The following CERKL variants were observed in gnomAD, a reference collection of about 807,000 sequenced individuals.
CERKL encodes the protein ceramide kinase-like protein.
CERKL carries 61 observed loss-of-function variants against 63.4 expected under a neutral mutation model. The ratio of observed to expected loss-of-function variants is 0.96; its 90% CI spans 0.78 to 1.19. The LOEUF (loss-of-function observed/expected upper bound fraction) is 1.19, where lower values mean the gene tolerates loss of function less well. Ranked by LOEUF, CERKL falls within the 50% of genes most tolerant of loss-of-function variation. CERKL has a pLI of 0.00. For missense variants in CERKL, 675 were observed against 655.5 expected, an observed-to-expected ratio of 1.03 and a Z score of -0.33; for synonymous variants, 250 against 230.5, an observed-to-expected ratio of 1.08 and a Z score of -0.77.
intron 1 of CERKL, among the ~76,000 whole-genome samples, chr2:181,608,031 T>C (rs763749433): frequency 2.1e-4 from 32 of 152,192 alleles, no homozygotes; most frequent in Non-Finnish European, 3.7e-4. Context: ...CTTCTTATGT[T>C]TGCCCAGTCT....
At chr2:181,585,316 AT>A (rs1684714234) in intron 2 of CERKL, among the ~76,000 whole-genome samples, 1 of 152,142 alleles carries the variant, frequency 6.6e-6, no homozygotes, top group South Asian at 2.1e-4. Flanking sequence ...TAAATAACTA[AT>A]ATTCTTTTAA....
In CERKL at chr2:181,656,885, GCCT is replaced by G. The variant is rs1298625806; in HGVS notation, c.119_121del (p.Glu40del). ...CCGGAGCAGAATCCGCTCGGCCGCC[GCCT>G]CCGTCTGCTGCGGGGACGTTAACAG... On this transcript the variant is annotated inframe_deletion, in exon 1 of 13. Transcript: ENST00000410087. 4 of 1,604,884 alleles carry G rather than the reference GCCT, an allele frequency of 2.5e-6. No homozygotes were observed. Among genetic ancestry groups the G allele is most frequent in the Non-Finnish European group, 2.6e-6 (3 of 1,174,910 alleles).
chr2:181,615,988 CAG>C (rs1334111049), intron 1 of CERKL, among the ~76,000 whole-genome samples: 4 of 151,906 alleles, frequency 2.6e-5, no homozygotes, highest in Admixed American at 2.6e-4. Flanking sequence ...AACTTATTTT[CAG>C]AGAGAAAGAC....
intron 2 of CERKL, among the ~76,000 whole-genome samples, chr2:181,582,509 T>C (rs932571081): frequency 4.8e-5 from 7 of 145,370 alleles, no homozygotes; most frequent in Non-Finnish European, 5.9e-5. Context: ...AACTGAAATA[T>C]TGTCAACATA....
intron 1 of CERKL, among the ~76,000 whole-genome samples, chr2:181,606,742 T>G (rs1365543066): frequency 6.6e-6 from 1 of 152,126 alleles, no homozygotes; most frequent in Non-Finnish European, 1.5e-5. Flanking sequence ...CTCAACACCC[T>G]CAAAGTATCA....
intron 11 of CERKL, among the ~76,000 whole-genome samples, chr2:181,541,372 CTGTT>C (rs1179904817): frequency 1.3e-5 from 2 of 152,194 alleles, no homozygotes; most frequent in Non-Finnish European, 2.9e-5. Flanking sequence ...AAATACATTT[CTGTT>C]TGTTTAAGCC....
intron 4 of CERKL, chr2:181,565,486 T>C: frequency 6.2e-7 from 1 of 1,611,566 alleles, no homozygotes; most frequent in Non-Finnish European, 8.5e-7. Context: ...TCCAATGTAT[T>C]GCGAACAATG....
In CERKL at chr2:181,656,921, G is replaced by T; in HGVS notation, c.86C>A (p.Pro29His). Reference sequence around the variant, plus strand: ...CTGCGGGGACGTTAACAGCGCCGGAGGCACAGCGGCAGCCTCCGGGGGCGC... The same window carrying T: ...CTGCGGGGACGTTAACAGCGCCGGATGCACAGCGGCAGCCTCCGGGGGCGC... ...EEAPPEAAAV[P>H]PALLTSPQQT... The change falls in exon 1 of 13, where the codon CCT becomes CAT. Residue 29 changes from proline (P) to histidine (H), a missense_variant. Physicochemically the swap from Pro to His is moderately conservative, Grantham distance 77. Coordinates refer to ENST00000410087, the MANE Select transcript of CERKL (RefSeq NM_201548.5). The T allele has an allele frequency of 6.3e-7, 1 of 1,596,754 alleles. No individual in the cohort carries two copies.
chr2:181,596,268 T>A (rs986472788), intron 2 of CERKL, among the ~76,000 whole-genome samples: 4 of 152,196 alleles, frequency 2.6e-5, no homozygotes, highest in African/African-American at 9.6e-5. Context: ...AAATATAATT[T>A]TCTTGTATAA....
intron 2 of CERKL, among the ~76,000 whole-genome samples, chr2:181,578,511 G>C (rs1392562061): frequency 6.7e-6 from 1 of 149,938 alleles, no homozygotes; most frequent in Non-Finnish European, 1.5e-5. Context: ...TGTTGGCCAG[G>C]CTCATCCTGA....
In CERKL at chr2:181,537,276, TCAGAAA is replaced by T; in HGVS notation, c.*902_*907del. Reference sequence around the variant, plus strand: ...TTGGTTCTTTCCTACTCAGAACTACTCAGAAACAACTATATATTTCAGGTTATCTGA... The same window carrying T: ...TTGGTTCTTTCCTACTCAGAACTACTCAACTATATATTTCAGGTTATCTGA... On this transcript the variant is annotated 3_prime_UTR_variant, in exon 13 of 13. Coordinates refer to ENST00000410087, the MANE Select transcript of CERKL (RefSeq NM_201548.5). 2.2e-6 allele frequency: 1 copy of T among 453,986 alleles called. No individual in the cohort carries two copies. The allele number at this position is 453,986 out of a possible 1,614,324, so 28.1% of individuals were successfully genotyped here. A position where few individuals can be genotyped will look rare whatever the true frequency, so the allele number is the denominator to read the frequency against.
At chr2:181,542,313 C>T (rs554253263) in intron 11 of CERKL, among the ~76,000 whole-genome samples, 10 of 152,276 alleles carry the variant, frequency 6.6e-5, no homozygotes, top group East Asian at 3.9e-4. Flanking sequence ...CAGTAACATT[C>T]GCTTATTCAA....
At chr2:181,647,528 G>A (rs536504968) in intron 1 of CERKL, among the ~76,000 whole-genome samples, 81 of 152,130 alleles carry the variant, frequency 5.3e-4, no homozygotes, top group Non-Finnish European at 9.0e-4. Context: ...TACAGCTGAC[G>A]AAACTACACA....
intron 11 of CERKL, among the ~76,000 whole-genome samples, chr2:181,540,119 T>C (rs922231497): frequency 2.6e-5 from 4 of 152,162 alleles, no homozygotes; most frequent in African/African-American, 9.7e-5. Flanking sequence ...TTTACATATG[T>C]AGATACCAAG....
At chr2:181,644,135 C>T (rs1687567904) in intron 1 of CERKL, among the ~76,000 whole-genome samples, 1 of 152,232 alleles carries the variant, frequency 6.6e-6, no homozygotes, top group Non-Finnish European at 1.5e-5. Context: ...GGCATCTGTC[C>T]ATGTCCCCTT....
At chr2:181,599,127 A>C (rs912602521) in intron 2 of CERKL, among the ~76,000 whole-genome samples, 4 of 152,238 alleles carry the variant, frequency 2.6e-5, no homozygotes, top group Admixed American at 2.0e-4. Context: ...TTTAAAATCC[A>C]TTTCAAATAA....
intron 1 of CERKL, among the ~76,000 whole-genome samples, chr2:181,610,062 C>T (rs1260570345): frequency 6.6e-6 from 1 of 151,956 alleles, no homozygotes; most frequent in Non-Finnish European, 1.5e-5. Context: ...TAATAAAGAC[C>T]TCAAAAGTCC....
At chr2:181,548,085 A>G in intron 8 of CERKL, 1 of 600,942 alleles carries the variant, frequency 1.7e-6, no homozygotes, top group East Asian at 2.8e-5. Context: ...ATTTCTTTAA[A>G]GACTATAACC....
At chr2:181,641,514 C>T (rs1300857984) in intron 1 of CERKL, among the ~76,000 whole-genome samples, 2 of 151,812 alleles carry the variant, frequency 1.3e-5, no homozygotes, top group Admixed American at 6.6e-5. Context: ...AGGACTCTGC[C>T]ACTTTGAAAT....
Sources: gnomAD v4.1 joint callset for allele counts (sites outside exome capture counted in the v4.1 genomes callset) on GRCh38, gnomAD v4.1.1 for gene constraint, MANE v1.5 for transcripts, NCBI Gene and HGNC (gene_info 2026-07-23, HGNC 2026-07-21) for gene names.